CPEB3: variants seen among roughly 807,000 people sequenced by gnomAD.
CPEB3 encodes the protein cytoplasmic polyadenylation element-binding protein 3.
CPEB3 carries 20 observed loss-of-function variants against 67.2 expected under a neutral mutation model. The observed-to-expected ratio is 0.30, with a 90% CI of 0.21 to 0.43. The LOEUF (loss-of-function observed/expected upper bound fraction) is 0.43. Ranked by LOEUF, CPEB3 falls within the 20% of genes least tolerant of loss-of-function variation. The pLI is 1.00. For missense variants in CPEB3, 746 were observed against 968.6 expected, an observed-to-expected ratio of 0.77 and a Z score of 3.05; for synonymous variants, 376 against 393.1, an observed-to-expected ratio of 0.96 and a Z score of 0.51.
intron 9 of CPEB3, among the ~76,000 whole-genome samples, chr10:92,067,544 C>T (rs1842601387): frequency 2.0e-5 from 3 of 151,796 alleles, no homozygotes; most frequent in African/African-American, 4.8e-5. Flanking sequence ...GCAGGCTGGG[C>T]GCAGTGGCGC....
At position 92,111,292 on chromosome 10, in the gene CPEB3, T is replaced by C; in HGVS notation, c.1454-98A>G. ...TCTGTTGTTTCATTTTGGCAAATTC[T>C]TACTAAAATCTAAGAAGTTCAAGTG... On this transcript the variant is annotated intron_variant, in intron 6 of 9. Coordinates refer to ENST00000265997, the MANE Select transcript of CPEB3 (RefSeq NM_014912.5). The C allele has an allele frequency of 8.2e-6, 7 of 856,864 alleles. No homozygotes were observed. The South Asian group carries it at 1.0e-4, about 12-fold the overall frequency. The allele number at this position is 856,864 out of a possible 1,614,324, so 53.1% of individuals were successfully genotyped here.
chr10:92,239,438 T>C lies in CPEB3; in HGVS notation c.913A>G (p.Lys305Glu). 1 of 1,601,790 alleles carries C rather than the reference T, an allele frequency of 6.2e-7. No homozygotes were observed. The highest frequency in any genetic ancestry group is 1.7e-4 in the Middle Eastern group (1 of 5,964). The change falls in exon 2 of 10, where the codon AAG becomes GAG. Residue 305 changes from lysine to glutamate, a missense_variant. Lys to Glu is a moderately conservative substitution (Grantham distance 56, BLOSUM62 1). Coordinates refer to ENST00000265997, the MANE Select transcript of CPEB3 (RefSeq NM_014912.5). This position sits in a 1 kb window ranked among gnomAD's most constrained non-coding sequence, Gnocchi z 6.0. Reference protein sequence around the residue: ...PFSSNVIAPPKFPRAAPLTSK... With the variant: ...PFSSNVIAPPEFPRAAPLTSK... ...GTGAGAGGGGCCGCGCGAGGGAACT[T>C]GGGCGGCGCGATCACGTTGCTGGAG...
chr10:92,061,246 C>T (rs958468449), intron 9 of CPEB3, among the ~76,000 whole-genome samples: 1 of 151,968 alleles, frequency 6.6e-6, no homozygotes, highest in African/African-American at 2.4e-5. Context: ...TGGTAAAACC[C>T]TGTTTCTACT....
intron 7 of CPEB3, among the ~76,000 whole-genome samples, chr10:92,102,734 G>A (rs2133401125): frequency 6.6e-6 from 1 of 152,276 alleles, no homozygotes; most frequent in Non-Finnish European, 1.5e-5. Flanking sequence ...GAAGACTCAA[G>A]TCAACACCTC....
At chr10:92,242,379 A>G (rs532483618) in intron 1 of CPEB3, among the ~76,000 whole-genome samples, 1 of 152,354 alleles carries the variant, frequency 6.6e-6, no homozygotes, top group African/African-American at 2.4e-5. Context: ...GGCTTTGATC[A>G]GTATTGCAAA....
chr10:92,229,530 G>A (rs1759231684), intron 2 of CPEB3, among the ~76,000 whole-genome samples: 1 of 152,192 alleles, frequency 6.6e-6, no homozygotes, highest in Non-Finnish European at 1.5e-5. Flanking sequence ...ATAAGCTAGT[G>A]TTCCCATTTA....
chr10:92,238,257 A>G (rs1851635958), intron 2 of CPEB3, among the ~76,000 whole-genome samples: 10 of 152,228 alleles, frequency 6.6e-5, no homozygotes, highest in Admixed American at 6.5e-4. Flanking sequence ...CCTGGGAGCA[A>G]AAGCCGCCTG....
chr10:92,255,779 C>G (rs995695890), intron 1 of CPEB3, among the ~76,000 whole-genome samples: 4 of 152,324 alleles, frequency 2.6e-5, no homozygotes, highest in Admixed American at 2.6e-4. Context: ...ATTCCATTTT[C>G]ATTTAAGATA....
At chr10:92,217,773 T>TA (rs905966833) in intron 2 of CPEB3, among the ~76,000 whole-genome samples, 20 of 148,996 alleles carry the variant, frequency 1.3e-4, no homozygotes, top group East Asian at 5.9e-4. Flanking sequence ...AAAAAAATAA[T>TA]AAAAAAAAAA....
In CPEB3 at chr10:92,239,652, G is replaced by A. The variant is rs1284945699; in HGVS notation, c.699C>T (p.Ala233=). 3.2e-6 allele frequency: 5 copies of A among 1,561,850 alleles called. No individual in the cohort carries two copies. The Middle Eastern group carries it at 5.6e-4, about 176-fold the overall frequency. The change falls in exon 2 of 10, where the codon GCC becomes GCT. Residue 233 remains alanine, a synonymous_variant. Coordinates refer to ENST00000265997, the MANE Select transcript of CPEB3 (RefSeq NM_014912.5). The surrounding 1 kb of genome is among the most constrained non-coding windows in gnomAD (Gnocchi z 6.0). ...AGCTGGACGAGGCCGACGAGGCGGC[G>A]GCTGCGGCAGCAGCGGCTGCAACCG... ...SSAVAAAAAA[A]AASSASSSWN... is the part of the protein sequence containing the mutation.
intron 3 of CPEB3, among the ~76,000 whole-genome samples, chr10:92,190,977 A>T (rs1204605399): frequency 6.6e-6 from 1 of 152,240 alleles, no homozygotes; most frequent in Non-Finnish European, 1.5e-5. Context: ...CAAAGATCTG[A>T]TAGAAGCATG....
intron 7 of CPEB3, among the ~76,000 whole-genome samples, chr10:92,103,257 C>G (rs998285674): frequency 2.6e-5 from 4 of 152,200 alleles, no homozygotes; most frequent in African/African-American, 9.6e-5. Flanking sequence ...TAGTGTTCAT[C>G]ATGACTGTTG....
Position 92,267,631 on chromosome 10 carries a change from G to A in CPEB3, c.-12+23295C>T, listed in dbSNP as rs1255770527. Among the ~76,000 whole-genome samples, 3 of 152,162 alleles carry A rather than the reference G, an allele frequency of 2.0e-5. No homozygotes were observed. In the East Asian group the frequency reaches 5.8e-4, roughly 29 times the overall value. On this transcript the variant is annotated intron_variant, in intron 1 of 9. Transcript: ENST00000265997. ...TAAGAGTAGAAACAGAAACAGATTA[G>A]GAGATTGGTTATTATATTATCCAGG...
intron 9 of CPEB3, among the ~76,000 whole-genome samples, chr10:92,053,491 G>A (rs1841985721): frequency 6.7e-6 from 1 of 150,046 alleles, no homozygotes; most frequent in Non-Finnish European, 1.5e-5. Context: ...AGCCTCGCGA[G>A]TAGCTGGGAT....
intron 9 of CPEB3, among the ~76,000 whole-genome samples, chr10:92,073,112 A>G (rs769282532): frequency 2.8e-4 from 37 of 130,844 alleles, no homozygotes; most frequent in Non-Finnish European, 4.1e-4. Flanking sequence ...ATCGTAGCTC[A>G]CTGCAGCCTC....
rs201096601 is a variant in CPEB3 at position 92,145,022 on chromosome 10, C to T, written c.1286G>A (p.Arg429His). ...TTCTACTCGTTCCCCATTTTGACAG[C>T]GAGTGGGAGAACTTAAGCCAGATGA... ...ALSSGLSSPT[R>H]CQNGERVERY... Residue 429 changes from arginine (R) to histidine (H), a missense_variant, in exon 5 of 10, where the codon CGC becomes CAC. Physicochemically the swap from Arg to His is conservative, Grantham distance 29 (BLOSUM62 0). Around this residue, in one of 2 missense-constraint regions of CPEB3, gnomAD observed 643 missense variants for 717.5 expected, o/e 0.90. Transcript: ENST00000265997. 3.3e-4 allele frequency: 533 copies of T among 1,613,914 alleles called. 1 individual carries two copies. The highest frequency in any genetic ancestry group is 3.8e-5 in the Non-Finnish European group (45 of 1,179,946).
At chr10:92,150,145 G>C (rs181760397) in intron 4 of CPEB3, among the ~76,000 whole-genome samples, 30 of 152,240 alleles carry the variant, frequency 2.0e-4, no homozygotes, top group African/African-American at 7.2e-4. Context: ...ACCGACAGGC[G>C]ATATGAGGAC....
chr10:92,152,644 T>A (rs1404804920), intron 4 of CPEB3, among the ~76,000 whole-genome samples: 1 of 152,178 alleles, frequency 6.6e-6, no homozygotes, highest in African/African-American at 2.4e-5. Context: ...GATATATTGG[T>A]GTTCATTAAA....
Position 92,052,152 on chromosome 10 carries a change from G to T in CPEB3, c.*60C>A. 2 of 1,152,800 alleles carry T rather than the reference G, an allele frequency of 1.7e-6. No individual in the cohort carries two copies. The highest frequency in any genetic ancestry group is 2.6e-6 in the Non-Finnish European group (2 of 771,432). 71.4% of individuals were successfully genotyped at this position (1,152,800 alleles called of 1,614,324 possible). Reference sequence around the variant, plus strand: ...AGAACACTGTAAGCCCTGAGGCAGTGCCCTCTCTTTTCCCTCCTTGTTATC... The same window carrying T: ...AGAACACTGTAAGCCCTGAGGCAGTTCCCTCTCTTTTCCCTCCTTGTTATC... On this transcript the variant is annotated 3_prime_UTR_variant, in exon 10 of 10. Transcript: ENST00000265997.
Sources: gnomAD v4.1 joint callset for allele counts (sites outside exome capture counted in the v4.1 genomes callset) on GRCh38, gnomAD v4.1.1 for gene constraint, gnomAD v4.1.1 regional missense constraint, Gnocchi (gnomAD v3.1) non-coding constraint, MANE v1.5 for transcripts, NCBI Gene and HGNC (gene_info 2026-07-23, HGNC 2026-07-21) for gene names.